MORC1: variants seen among roughly 807,000 people sequenced by gnomAD.
MORC1 encodes the protein MORC family CW-type zinc finger 1.
Under a neutral mutation model 134.9 loss-of-function variants are expected in MORC1, and 59 were observed. The observed-to-expected ratio is 0.44, with a 90% CI of 0.35 to 0.54. The LOEUF (loss-of-function observed/expected upper bound fraction) is 0.54, where lower values mean the gene tolerates loss of function less well. Among genes scored for constraint, MORC1 ranks in the 20% least tolerant of loss-of-function variants. The pLI is 0.00. For missense variants in MORC1, 947 were observed against 1,134.5 expected (o/e 0.83, Z 2.37); for synonymous variants, 395 against 391.7 (o/e 1.01, Z -0.10).
chr3:108,984,696 T>C lies in MORC1; in HGVS notation c.2324+20A>G. Reference sequence around the variant, plus strand: ...GATAATTGCACTCACTTGGAATTTGTATAACTGTAGTACACTCACCTTTTC... The same window carrying C: ...GATAATTGCACTCACTTGGAATTTGCATAACTGTAGTACACTCACCTTTTC... On this transcript the variant is annotated intron_variant, in intron 23 of 27. Transcript: ENST00000232603. 1 of 1,545,252 alleles carries C rather than the reference T, an allele frequency of 6.5e-7. No homozygotes were observed.
chr3:109,077,028 A>G (rs1264266501), intron 8 of MORC1, among the ~76,000 whole-genome samples: 1 of 152,184 alleles, frequency 6.6e-6, no homozygotes, highest in Non-Finnish European at 1.5e-5. Context: ...GAGGAAAAAA[A>G]TAAGTAATTT....
chr3:109,001,209 T>G (rs1257805337), intron 20 of MORC1, among the ~76,000 whole-genome samples: 2 of 152,128 alleles, frequency 1.3e-5, no homozygotes, highest in African/African-American at 4.8e-5. Context: ...CTTGGCTCAC[T>G]GCAACCTCCA....
intron 6 of MORC1, among the ~76,000 whole-genome samples, chr3:109,095,608 C>G (rs1232639088): frequency 6.6e-6 from 1 of 152,140 alleles, no homozygotes; most frequent in Non-Finnish European, 1.5e-5. Flanking sequence ...CAATGGATTT[C>G]TAGACTGGAA....
In MORC1 at chr3:109,095,668, C is replaced by A. The variant is rs151330759; in HGVS notation, c.424-600G>T. 6.5e-3 allele frequency among the ~76,000 whole-genome samples: 986 copies of A among 152,182 alleles called. 3 individuals are homozygous for A. The highest frequency in any genetic ancestry group is 0.01 in the Non-Finnish European group (698 of 68,018). ...GGCACCTTACTGAGATTAGATAGACCGAGTGAAAGTATACTTAGCAGATGC... is the reference window on the plus strand; with the variant it reads ...GGCACCTTACTGAGATTAGATAGACAGAGTGAAAGTATACTTAGCAGATGC... On this transcript the variant is annotated intron_variant, in intron 6 of 27. Coordinates refer to ENST00000232603, the MANE Select transcript of MORC1 (RefSeq NM_014429.4).
At chr3:108,991,224 T>C (rs935480344) in intron 21 of MORC1, among the ~76,000 whole-genome samples, 1 of 152,206 alleles carries the variant, frequency 6.6e-6, no homozygotes, top group African/African-American at 2.4e-5. Flanking sequence ...CTGGATGATA[T>C]ACTCAGATTT....
At chr3:109,101,260 G>A (rs987013041) in intron 4 of MORC1, among the ~76,000 whole-genome samples, 5 of 152,100 alleles carry the variant, frequency 3.3e-5, no homozygotes, top group African/African-American at 9.7e-5. Flanking sequence ...ATTTCCCCAC[G>A]AATTTAGCCC....
At chr3:109,111,493 T>TA (rs147821955) in intron 2 of MORC1, among the ~76,000 whole-genome samples, 9 of 152,174 alleles carry the variant, frequency 5.9e-5, no homozygotes, top group Middle Eastern at 3.4e-3. Flanking sequence ...AAGACTGTTT[T>TA]AAAAAAAATT....
intron 18 of MORC1, among the ~76,000 whole-genome samples, chr3:109,006,243 A>G (rs1263175555): frequency 2.0e-5 from 3 of 152,204 alleles, no homozygotes; most frequent in Non-Finnish European, 2.9e-5. Flanking sequence ...ATAAATTACT[A>G]TAAAAGGAGG....
chr3:109,010,290 T>G (rs571287635), intron 17 of MORC1, among the ~76,000 whole-genome samples: 1 of 152,334 alleles, frequency 6.6e-6, no homozygotes, highest in East Asian at 1.9e-4. Flanking sequence ...ATAATTTGCC[T>G]TGTGTTTTTT....
chr3:108,964,955 A>C (rs539027735), intron 26 of MORC1, among the ~76,000 whole-genome samples: 1 of 152,164 alleles, frequency 6.6e-6, no homozygotes, highest in Non-Finnish European at 1.5e-5. Flanking sequence ...CAACCTAACA[A>C]GTTGATGACT....
intron 8 of MORC1, among the ~76,000 whole-genome samples, chr3:109,084,489 T>C (rs1263252036): frequency 6.6e-6 from 1 of 151,956 alleles, no homozygotes; most frequent in Non-Finnish European, 1.5e-5. Context: ...AAAATACTTA[T>C]GAAAGAAACT....
intron 24 of MORC1, among the ~76,000 whole-genome samples, chr3:108,974,544 A>G (rs1448923956): frequency 6.6e-5 from 10 of 152,192 alleles, no homozygotes; most frequent in Admixed American, 6.5e-4. Context: ...GTGGGCCAGG[A>G]GACACGAAGC....
At chr3:109,030,517 C>A (rs9870133) in intron 16 of MORC1, among the ~76,000 whole-genome samples, 36,404 of 152,148 alleles carry the variant, frequency 0.24, 4,576 homozygotes, top group Middle Eastern at 0.43. Context: ...CCCTAAATTT[C>A]TTGCTGCCAC....
chr3:109,041,860 T>C (rs2399263), intron 14 of MORC1, among the ~76,000 whole-genome samples: 138,499 of 151,872 alleles, frequency 0.91, 64,064 homozygotes, highest in East Asian at 1. Flanking sequence ...ATGAGAATTG[T>C]TTGAACCCAG....
chr3:108,969,750 G>A (rs1271933292), intron 25 of MORC1, 28 bp from the exon 26 acceptor site: 1 of 1,602,480 alleles, frequency 6.2e-7, no homozygotes, highest in Admixed American at 1.7e-5. Context: ...AATAGAACAG[G>A]ATATTAGCTT....
At chr3:109,046,574 C>T (rs963873423) in intron 14 of MORC1, among the ~76,000 whole-genome samples, 14 of 152,260 alleles carry the variant, frequency 9.2e-5, no homozygotes, top group Admixed American at 3.3e-4. Flanking sequence ...TAGAACTCTC[C>T]TTACTCAAGA....
At chr3:108,977,571 T>C (rs1438766009) in intron 24 of MORC1, among the ~76,000 whole-genome samples, 1 of 152,176 alleles carries the variant, frequency 6.6e-6, no homozygotes, top group African/African-American at 2.4e-5. Flanking sequence ...GTCCGAATAA[T>C]TGAACATGTG....
At chr3:109,103,421 A>T (rs1428728586) in intron 4 of MORC1, among the ~76,000 whole-genome samples, 1 of 152,210 alleles carries the variant, frequency 6.6e-6, no homozygotes, top group African/African-American at 2.4e-5. Flanking sequence ...AAGGCTAAAA[A>T]CAAGGAGAGG....
chr3:109,116,899 A>G (rs548081489), intron 1 of MORC1, among the ~76,000 whole-genome samples: 1 of 152,298 alleles, frequency 6.6e-6, no homozygotes, highest in South Asian at 2.1e-4. Flanking sequence ...TGAAAATGGT[A>G]CTGGGGAAGT....
Sources: gnomAD v4.1 joint callset for allele counts (sites outside exome capture counted in the v4.1 genomes callset) on GRCh38, gnomAD v4.1.1 for gene constraint, MANE v1.5 for transcripts, NCBI Gene and HGNC (gene_info 2026-07-23, HGNC 2026-07-21) for gene names.